KCNQ1OT1: variants seen among roughly 807,000 people sequenced by gnomAD.
KCNQ1OT1 encodes the protein KCNQ1 antisense RNA 2 (non-protein coding).
chr11:2,629,359 A>G (rs1225530656), exon 1 of KCNQ1OT1: 1 of 398,136 alleles, frequency 2.5e-6, no homozygotes, highest in Non-Finnish European at 4.4e-6. Flanking sequence ...TCTATTTTTT[A>G]TTTTATCTGT....
Position 2,647,216 on chromosome 11 carries a change from C to T in KCNQ1OT1, n.52779G>A, listed in dbSNP as rs972586925. 2.5e-6 allele frequency: 1 copy of T among 398,430 alleles called. No individual in the cohort carries two copies. The highest frequency in any genetic ancestry group is 4.4e-6 in the Non-Finnish European group (1 of 226,022). The allele number at this position is 398,430 out of a possible 1,614,324, so 24.7% of individuals were successfully genotyped here. On this transcript the variant is annotated non_coding_transcript_exon_variant, in exon 1 of 1. Transcript: ENST00000597346. The surrounding 1 kb of genome is among the most constrained non-coding windows in gnomAD (Gnocchi z 4.0). ...TGAATTTTATCAGATGCTTTTTCTGCATCTATTGAGATGATCATGTATTTT... is the reference window on the plus strand; with the variant it reads ...TGAATTTTATCAGATGCTTTTTCTGTATCTATTGAGATGATCATGTATTTT...
chr11:2,646,520 T>C (rs1486221400), exon 1 of KCNQ1OT1: 5 of 398,570 alleles, frequency 1.3e-5, no homozygotes, highest in Admixed American at 4.4e-5. Context: ...ATGCTACTGA[T>C]TTTTTGGGGG....
In KCNQ1OT1 at chr11:2,642,494, G is replaced by T; in HGVS notation, n.57501C>A. On this transcript the variant is annotated non_coding_transcript_exon_variant, in exon 1 of 1. Coordinates refer to ENST00000597346, the Ensembl canonical transcript of KCNQ1OT1. This position sits in a 1 kb window ranked among gnomAD's most constrained non-coding sequence, Gnocchi z 4.3. ...ATCAGACTGAAGAGTTTTGATTTTTGTATTTCATGGTATGAGTTGTAATAT... is the reference window on the plus strand; with the variant it reads ...ATCAGACTGAAGAGTTTTGATTTTTTTATTTCATGGTATGAGTTGTAATAT... 1 of 397,874 alleles carries T rather than the reference G, an allele frequency of 2.5e-6. No individual in the cohort carries two copies. The highest frequency in any genetic ancestry group is 4.4e-6 in the Non-Finnish European group (1 of 225,680). The allele number at this position is 397,874 out of a possible 1,614,324, so 24.6% of individuals were successfully genotyped here.
rs1385135587 is a variant in KCNQ1OT1, at chr11:2,670,057, G to C, written n.29938C>G. ...GCGGAAACCTAGCACTCACTATTCT[G>C]CTCTGGGGAGGGGGTTGGAGGCAGA... On this transcript the variant is annotated non_coding_transcript_exon_variant, in exon 1 of 1. Coordinates refer to ENST00000597346, the Ensembl canonical transcript of KCNQ1OT1. The surrounding 1 kb of genome is among the most constrained non-coding windows in gnomAD (Gnocchi z 4.9). 7.5e-6 allele frequency: 3 copies of C among 398,548 alleles called. No homozygotes were observed. The highest frequency in any genetic ancestry group is 6.2e-5 in the African/African-American group (3 of 48,620). 24.7% of individuals were successfully genotyped at this position (398,548 alleles called of 1,614,324 possible).
rs141480262 is a variant in KCNQ1OT1 at position 2,629,608 on chromosome 11, A to G, written n.70387T>C. 455 of 398,494 alleles carry G rather than the reference A, an allele frequency of 1.1e-3. 2 individuals carry two copies. The highest frequency in any genetic ancestry group is 8.3e-3 in the African/African-American group (404 of 48,744). The allele number at this position is 398,494 out of a possible 1,614,324, so 24.7% of individuals were successfully genotyped here. On this transcript the variant is annotated non_coding_transcript_exon_variant, in exon 1 of 1. Coordinates refer to ENST00000597346, the Ensembl canonical transcript of KCNQ1OT1. ...AGAGAATCCATTTGCCATTGAATGG[A>G]CATGGCATGCTTGTCAGAAATCATG... is the stretch of plus-strand genomic sequence containing the variant.
exon 1 of KCNQ1OT1, chr11:2,640,123 G>C: frequency 3.1e-6 from 1 of 319,930 alleles, no homozygotes; most frequent in East Asian, 4.9e-5. Context: ...CCGTTGGCTA[G>C]GAAAGGGAAT....
rs766265647 is a variant in KCNQ1OT1, at chr11:2,676,060, G to A, written n.23935C>T. On this transcript the variant is annotated non_coding_transcript_exon_variant, in exon 1 of 1. Transcript: ENST00000597346. This position sits in a 1 kb window ranked among gnomAD's most constrained non-coding sequence, Gnocchi z 4.2. Reference sequence around the variant, plus strand: ...ACTTTCCTATTGCATCTTTCCAGACGTATTTTATATAAACAAATATACGTG... The same window carrying A: ...ACTTTCCTATTGCATCTTTCCAGACATATTTTATATAAACAAATATACGTG... The A allele has an allele frequency of 1.5e-5, 6 of 398,408 alleles. No homozygotes were observed. The highest frequency in any genetic ancestry group is 4.1e-5 in the African/African-American group (2 of 48,584). The allele number at this position is 398,408 out of a possible 1,614,324, so 24.7% of individuals were successfully genotyped here.
At position 2,647,340 on chromosome 11, in the gene KCNQ1OT1, G is replaced by T. The variant is rs115301907; in HGVS notation, n.52655C>A. 863 of 398,546 alleles carry T rather than the reference G, an allele frequency of 2.2e-3. 7 individuals carry two copies. Among genetic ancestry groups the T allele is most frequent in the African/African-American group, 0.016 (793 of 48,752 alleles). 24.7% of individuals were successfully genotyped at this position (398,546 alleles called of 1,614,324 possible). Reference sequence around the variant, plus strand: ...GGGATAAATCCCACTTGATTATGGTGTATTATCTTTTTGATGTGCGATTGG... The same window carrying T: ...GGGATAAATCCCACTTGATTATGGTTTATTATCTTTTTGATGTGCGATTGG... On this transcript the variant is annotated non_coding_transcript_exon_variant, in exon 1 of 1. Transcript: ENST00000597346. The surrounding 1 kb of genome is among the most constrained non-coding windows in gnomAD (Gnocchi z 4.0).
exon 1 of KCNQ1OT1, chr11:2,633,618 T>G (rs1473606843): frequency 3.3e-5 from 13 of 398,486 alleles, no homozygotes; most frequent in Non-Finnish European, 5.8e-5. Context: ...GTGTTCAACA[T>G]GGTGTCCTTT....
Position 2,668,698 on chromosome 11 carries a change from A to T in KCNQ1OT1, n.31297T>A, listed in dbSNP as rs776901238. 2 of 398,586 alleles carry T rather than the reference A, an allele frequency of 5.0e-6. No individual in the cohort carries two copies. Among genetic ancestry groups the T allele is most frequent in the Non-Finnish European group, 8.8e-6 (2 of 226,062 alleles). The allele number at this position is 398,586 out of a possible 1,614,324, so 24.7% of individuals were successfully genotyped here. The stretch of plus-strand genomic sequence containing the variant: ...GTCAGAGAGAGAGATACACACACTC[A>T]CACTCTCTCACAGACACACACATTG... On this transcript the variant is annotated non_coding_transcript_exon_variant, in exon 1 of 1. Coordinates refer to ENST00000597346, the Ensembl canonical transcript of KCNQ1OT1. The surrounding 1 kb of genome is among the most constrained non-coding windows in gnomAD (Gnocchi z 4.3).
In KCNQ1OT1 at chr11:2,659,087, A is replaced by G; in HGVS notation, n.40908T>C. ...CTCATCATAGTCTGCTTTTCATCGTAGGGTCCTCCAACATCCGGGTTAATT... is the reference window on the plus strand; with the variant it reads ...CTCATCATAGTCTGCTTTTCATCGTGGGGTCCTCCAACATCCGGGTTAATT... On this transcript the variant is annotated non_coding_transcript_exon_variant, in exon 1 of 1. Transcript: ENST00000597346. This position sits in a 1 kb window ranked among gnomAD's most constrained non-coding sequence, Gnocchi z 4.3. The G allele has an allele frequency of 1.0e-5, 4 of 398,574 alleles. No individual in the cohort carries two copies. The highest frequency in any genetic ancestry group is 1.8e-5 in the Non-Finnish European group (4 of 226,044). The allele number at this position is 398,574 out of a possible 1,614,324, so 24.7% of individuals were successfully genotyped here.
rs11023673 is a variant in KCNQ1OT1, at chr11:2,657,574, T to C, written n.42421A>G. On this transcript the variant is annotated non_coding_transcript_exon_variant, in exon 1 of 1. Transcript: ENST00000597346. The surrounding 1 kb of genome is among the most constrained non-coding windows in gnomAD (Gnocchi z 4.8). ...AGCTTCCCCTAATGTTAGCATCTTA[T>C]ATAACCATGGTACATTGACCAAAAC... 38,932 of 398,544 alleles carry C rather than the reference T, an allele frequency of 0.098. 2,006 individuals are homozygous for C. Among genetic ancestry groups the C allele is most frequent in the South Asian group, 0.13 (1,022 of 7,854 alleles). 24.7% of individuals were successfully genotyped at this position (398,544 alleles called of 1,614,324 possible).
Position 2,691,531 on chromosome 11 carries a change from T to G in KCNQ1OT1, n.8464A>C, listed in dbSNP as rs1282608712. On this transcript the variant is annotated non_coding_transcript_exon_variant, in exon 1 of 1. Transcript: ENST00000597346. This position sits in a 1 kb window ranked among gnomAD's most constrained non-coding sequence, Gnocchi z 6.4. ...AGCTTGCTTGGCTTTGCATTAAAGT[T>G]GGGGGGATTTCTCTATCCTGAGGTT... The G allele has an allele frequency of 2.5e-6, 1 of 398,464 alleles. No homozygotes were observed. The highest frequency in any genetic ancestry group is 4.4e-6 in the Non-Finnish European group (1 of 226,060). 24.7% of individuals were successfully genotyped at this position (398,464 alleles called of 1,614,324 possible).
At chr11:2,650,491 G>C (rs900190648) in exon 1 of KCNQ1OT1, 1 of 398,602 alleles carries the variant, frequency 2.5e-6, no homozygotes. Context: ...CAGAAGTGTG[G>C]TGTCTCTACA....
At position 2,688,428 on chromosome 11, in the gene KCNQ1OT1, G is replaced by A. The variant is rs1273233733; in HGVS notation, n.11567C>T. On this transcript the variant is annotated non_coding_transcript_exon_variant, in exon 1 of 1. Coordinates refer to ENST00000597346, the Ensembl canonical transcript of KCNQ1OT1. ...TCCTCTGTGTAGGCACTGGGCCCCA[G>A]CCCCTGCCTGTGCCATCACTATTTC... The A allele has an allele frequency of 7.5e-6, 3 of 398,628 alleles. No homozygotes were observed. The East Asian group carries it at 1.1e-4, about 14-fold the overall frequency. The allele number at this position is 398,628 out of a possible 1,614,324, so 24.7% of individuals were successfully genotyped here.
In KCNQ1OT1 at chr11:2,612,827, C is replaced by A. The variant is rs547299430; in HGVS notation, n.87168G>T. The A allele has an allele frequency of 1.8e-4, 70 of 398,470 alleles. No homozygotes were observed. Among genetic ancestry groups the A allele is most frequent in the African/African-American group, 1.3e-3 (65 of 48,684 alleles). The allele number at this position is 398,470 out of a possible 1,614,324, so 24.7% of individuals were successfully genotyped here. On this transcript the variant is annotated non_coding_transcript_exon_variant, in exon 1 of 1. Transcript: ENST00000597346. This position sits in a 1 kb window ranked among gnomAD's most constrained non-coding sequence, Gnocchi z 5.5. Reference sequence around the variant, plus strand: ...TCTCATTTTTTTTGTTAAAAACTTACTTTAGATAATATATCGTAGAAACTC... The same window carrying A: ...TCTCATTTTTTTTGTTAAAAACTTAATTTAGATAATATATCGTAGAAACTC...
exon 1 of KCNQ1OT1, chr11:2,696,363 C>T (rs1850676457): frequency 5.0e-6 from 2 of 398,478 alleles, no homozygotes; most frequent in South Asian, 1.3e-4. Context: ...CTGAACAGTC[C>T]CCACTGATAT....
At chr11:2,644,028 TTCTC>T (rs1849624529) in exon 1 of KCNQ1OT1, 1 of 398,570 alleles carries the variant, frequency 2.5e-6, no homozygotes, top group Admixed American at 4.4e-5. Flanking sequence ...GGTTTTATGA[TTCTC>T]TCTTTGTCTT....
At chr11:2,655,891 A>G in exon 1 of KCNQ1OT1, 1 of 398,726 alleles carries the variant, frequency 2.5e-6, no homozygotes, top group Non-Finnish European at 4.4e-6. Flanking sequence ...GCCCCTTGTT[A>G]TAGGGGCCCC....
Sources: allele counts gnomAD v4.1 joint callset, GRCh38; gene constraint gnomAD v4.1.1; non-coding constraint Gnocchi (gnomAD v3.1); transcripts MANE v1.5; gene names NCBI Gene and HGNC (gene_info 2026-07-23, HGNC 2026-07-21).